EPHA3: variants seen among roughly 807,000 people sequenced by gnomAD.
The protein encoded by EPHA3 is ephrin type-A receptor 3.
In EPHA3, 42 loss-of-function variants were observed where a neutral mutation model predicts 107.1. That is an observed-to-expected ratio of 0.39 (90% CI 0.31 to 0.51). The LOEUF (loss-of-function observed/expected upper bound fraction) is 0.51, where lower values mean the gene tolerates loss of function less well. EPHA3 is among the 20% of genes least tolerant of loss of function. The pLI is 0.78. For synonymous variants in EPHA3, 461 were observed against 424.8 expected (o/e 1.09, Z -1.05); for missense variants, 1,183 against 1,211.2 (o/e 0.98, Z 0.35).
chr3:89,336,026 A>C (rs1707384511), intron 3 of EPHA3, among the ~76,000 whole-genome samples: 1 of 152,198 alleles, frequency 6.6e-6, no homozygotes, highest in African/African-American at 2.4e-5. Context: ...TTTGTATTTT[A>C]AAATTTGTCT....
rs548156584 is a variant in EPHA3 at position 89,350,190 on chromosome 3, T to A, written c.1306+8100T>A. On this transcript the variant is annotated intron_variant, in intron 5 of 16. Coordinates refer to ENST00000336596, the MANE Select transcript of EPHA3 (RefSeq NM_005233.6). ...CCTTGCTAGATTGGGGAAGTTCTCCTGGATAATATCCTGCAGAGTGTTTTC... is the reference window on the plus strand; with the variant it reads ...CCTTGCTAGATTGGGGAAGTTCTCCAGGATAATATCCTGCAGAGTGTTTTC... 1.3e-3 allele frequency among the ~76,000 whole-genome samples: 191 copies of A among 151,136 alleles called. 9 individuals carry two copies. In the East Asian group the frequency reaches 0.035, roughly 27 times the overall value.
At chr3:89,116,438 G>A (rs1403404701) in intron 1 of EPHA3, among the ~76,000 whole-genome samples, 1 of 152,048 alleles carries the variant, frequency 6.6e-6, no homozygotes, top group Non-Finnish European at 1.5e-5. Flanking sequence ...CTTAAGATGA[G>A]AAAATAAATT....
chr3:89,360,974 A>AG (rs1708079943), intron 5 of EPHA3, among the ~76,000 whole-genome samples: 1 of 151,084 alleles, frequency 6.6e-6, no homozygotes. Context: ...TGGCTTAGGC[A>AG]GGAATTGCTA....
chr3:89,322,567 A>C (rs1327880305), intron 3 of EPHA3, among the ~76,000 whole-genome samples: 1 of 152,110 alleles, frequency 6.6e-6, no homozygotes, highest in Non-Finnish European at 1.5e-5. Context: ...TGAGGACGAG[A>C]TGTAGAGGGA....
At chr3:89,120,652 T>A (rs1285064918) in intron 1 of EPHA3, among the ~76,000 whole-genome samples, 2 of 152,230 alleles carry the variant, frequency 1.3e-5, no homozygotes, top group Admixed American at 1.3e-4. Flanking sequence ...TTGTTCTATG[T>A]TATTTCCTGA....
At chr3:89,194,104 A>G (rs1353097452) in intron 2 of EPHA3, among the ~76,000 whole-genome samples, 2 of 151,992 alleles carry the variant, frequency 1.3e-5, no homozygotes, top group Non-Finnish European at 2.9e-5. Context: ...TTAAAATGAG[A>G]TTTAGTCCAT....
intron 3 of EPHA3, among the ~76,000 whole-genome samples, chr3:89,308,602 A>T (rs1015480663): frequency 6.8e-6 from 1 of 146,964 alleles, no homozygotes; most frequent in African/African-American, 2.5e-5. Flanking sequence ...AGCCAAGGGA[A>T]TTTTTTTTTT....
intron 3 of EPHA3, among the ~76,000 whole-genome samples, chr3:89,258,155 T>G (rs1422955480): frequency 6.6e-6 from 1 of 152,106 alleles, no homozygotes; most frequent in African/African-American, 2.4e-5. Context: ...CAGGAGGAAA[T>G]AATCAGACAA....
chr3:89,414,384 A>G (rs1709208806), intron 10 of EPHA3, among the ~76,000 whole-genome samples: 1 of 151,640 alleles, frequency 6.6e-6, no homozygotes, highest in African/African-American at 2.4e-5. Flanking sequence ...TGGAGTAGTA[A>G]CTTCTTTTTT....
chr3:89,333,499 T>A (rs535313669), intron 3 of EPHA3, among the ~76,000 whole-genome samples: 176 of 152,320 alleles, frequency 1.2e-3, no homozygotes, highest in South Asian at 3.7e-3. Context: ...GTTTGCTCGA[T>A]AATGCACAAG....
At chr3:89,452,760 G>A (rs558990975) in intron 15 of EPHA3, among the ~76,000 whole-genome samples, 2 of 152,112 alleles carry the variant, frequency 1.3e-5, no homozygotes, top group East Asian at 1.9e-4. Flanking sequence ...CTACAAAATT[G>A]TTACCAAGAC....
chr3:89,459,064 A>G (rs1710161134), intron 15 of EPHA3, among the ~76,000 whole-genome samples: 1 of 152,188 alleles, frequency 6.6e-6, no homozygotes, highest in African/African-American at 2.4e-5. Context: ...GCATTCTGAC[A>G]AATACCTAAT....
At chr3:89,290,281 A>T (rs1706182128) in intron 3 of EPHA3, among the ~76,000 whole-genome samples, 1 of 152,162 alleles carries the variant, frequency 6.6e-6, no homozygotes, top group Non-Finnish European at 1.5e-5. Context: ...CAATTTCATC[A>T]TGAATTCAAT....
chr3:89,344,680 C>G (rs1331784757), intron 5 of EPHA3, among the ~76,000 whole-genome samples: 1 of 152,122 alleles, frequency 6.6e-6, no homozygotes, highest in Admixed American at 6.5e-5. Context: ...GATATGATGC[C>G]AGGGTGCTTA....
At chr3:89,333,137 T>C (rs961337236) in intron 3 of EPHA3, among the ~76,000 whole-genome samples, 2 of 152,194 alleles carry the variant, frequency 1.3e-5, no homozygotes, top group Non-Finnish European at 2.9e-5. Flanking sequence ...CAAGATTCTA[T>C]CTGGAAGCTC....
rs577003477 is a variant in EPHA3 at position 89,360,117 on chromosome 3, C to A, written c.1306+18027C>A. On this transcript the variant is annotated intron_variant, in intron 5 of 16. Transcript: ENST00000336596. ...ATCTTTCCAGTGCACCAATAATTTC[C>A]AAATTTCAGTAAACAACTTACTGCT... Among the ~76,000 whole-genome samples the A allele has an allele frequency of 4.1e-4, 61 of 150,336 alleles. 1 individual carries two copies. The highest frequency in any genetic ancestry group is 1.4e-3 in the African/African-American group (59 of 41,304).
At chr3:89,263,170 T>C (rs1705461412) in intron 3 of EPHA3, among the ~76,000 whole-genome samples, 1 of 151,872 alleles carries the variant, frequency 6.6e-6, no homozygotes, top group Admixed American at 6.6e-5. Flanking sequence ...CCTCCCTGTG[T>C]CCATGTGTTC....
Position 89,350,668 on chromosome 3 carries a change from G to A in EPHA3, c.1306+8578G>A, listed in dbSNP as rs557525259. On this transcript the variant is annotated intron_variant, in intron 5 of 16. Transcript: ENST00000336596. ...TGTTCCATTGCTGGTGAGGAACTGCGTTCCTTTGGAGGAGGAGAGGCGCTC... is the reference window on the plus strand; with the variant it reads ...TGTTCCATTGCTGGTGAGGAACTGCATTCCTTTGGAGGAGGAGAGGCGCTC... Among the ~76,000 whole-genome samples the A allele has an allele frequency of 1.9e-4, 29 of 151,176 alleles. 1 individual carries two copies. Among genetic ancestry groups the A allele is most frequent in the Admixed American group, 9.9e-4 (15 of 15,104 alleles).
intron 3 of EPHA3, among the ~76,000 whole-genome samples, chr3:89,231,542 C>T (rs549190155): frequency 2.6e-5 from 4 of 152,156 alleles, no homozygotes; most frequent in South Asian, 2.1e-4. Flanking sequence ...TGTTTGTTTG[C>T]GTTTTGGACA....
Sources: allele counts gnomAD v4.1 joint callset (sites outside exome capture counted in the v4.1 genomes callset), GRCh38; gene constraint gnomAD v4.1.1; transcripts MANE v1.5; gene names NCBI Gene and HGNC (gene_info 2026-07-23, HGNC 2026-07-21).